The following TBCA variants were observed in gnomAD, a reference collection of about 807,000 sequenced individuals.
TBCA encodes tubulin-specific chaperone A.
TBCA carries 6 observed loss-of-function variants against 15.8 expected under a neutral mutation model. The observed-to-expected ratio is 0.38, with a 90% confidence interval of 0.21 to 0.75. TBCA has a LOEUF of 0.75. Among genes scored for constraint, TBCA ranks in the 30% least tolerant of loss-of-function variants. The pLI is 0.46. For missense variants in TBCA, 90 were observed against 131.2 expected (o/e 0.69, Z 1.53); for synonymous variants, 32 against 42.3 (o/e 0.76, Z 0.94).
chr5:77,759,633 A>G (rs466869), intron 1 of TBCA, among the ~76,000 whole-genome samples: 66,959 of 151,940 alleles, frequency 0.44, 14,916 homozygotes, highest in East Asian at 0.53. Flanking sequence ...TTTCCAATTA[A>G]AGACTCAGTT....
At chr5:77,719,250 C>T (rs1746474362) in intron 1 of TBCA, among the ~76,000 whole-genome samples, 1 of 152,136 alleles carries the variant, frequency 6.6e-6, no homozygotes, top group South Asian at 2.1e-4. Flanking sequence ...CTTCTAACTT[C>T]AAGTGTCAAT....
At chr5:77,734,504 T>C (rs1746848599) in intron 1 of TBCA, among the ~76,000 whole-genome samples, 5 of 152,168 alleles carry the variant, frequency 3.3e-5, no homozygotes, top group Admixed American at 3.3e-4. Flanking sequence ...AAGAAGTCAC[T>C]GTAGATGTGG....
intron 1 of TBCA, among the ~76,000 whole-genome samples, chr5:77,724,075 G>C (rs1746579927): frequency 1.3e-5 from 2 of 151,880 alleles, no homozygotes; most frequent in African/African-American, 4.8e-5. Flanking sequence ...CAAATCTAGG[G>C]CTTCTTTGTG....
At chr5:77,747,846 C>T (rs1213347161) in intron 1 of TBCA, among the ~76,000 whole-genome samples, 1 of 152,032 alleles carries the variant, frequency 6.6e-6, no homozygotes, top group African/African-American at 2.4e-5. Context: ...AAAATGTTTT[C>T]TCCTTTTAAG....
chr5:77,712,734 T>C (rs1449604668), intron 1 of TBCA, among the ~76,000 whole-genome samples: 2 of 152,210 alleles, frequency 1.3e-5, no homozygotes, highest in South Asian at 4.1e-4. Flanking sequence ...AAATGATTTA[T>C]AGAATTTATG....
At chr5:77,773,788 C>A (rs556884367) in intron 1 of TBCA, among the ~76,000 whole-genome samples, 3 of 152,268 alleles carry the variant, frequency 2.0e-5, no homozygotes, top group Admixed American at 6.5e-5. Context: ...GAAAGGTGGG[C>A]GAACAGGAAG....
chr5:77,696,847 G>C (rs1055067638), intron 2 of TBCA, among the ~76,000 whole-genome samples: 3 of 152,204 alleles, frequency 2.0e-5, no homozygotes, highest in Non-Finnish European at 4.4e-5. Context: ...GAGCCCAGGA[G>C]CTGGGAGGTT....
intron 1 of TBCA, among the ~76,000 whole-genome samples, chr5:77,764,673 G>A (rs1163704698): frequency 1.3e-5 from 2 of 152,154 alleles, no homozygotes; most frequent in African/African-American, 4.8e-5. Context: ...AGCACTTGAA[G>A]GATTAAATCT....
At chr5:77,754,827 C>G (rs1269994853) in intron 1 of TBCA, among the ~76,000 whole-genome samples, 1 of 152,084 alleles carries the variant, frequency 6.6e-6, no homozygotes, top group East Asian at 1.9e-4. Flanking sequence ...AAAATGCTGA[C>G]AATTCTTAAG....
chr5:77,739,157 G>A (rs1746975912), intron 1 of TBCA, among the ~76,000 whole-genome samples: 1 of 152,112 alleles, frequency 6.6e-6, no homozygotes, highest in Non-Finnish European at 1.5e-5. Context: ...ACTCTGGGTT[G>A]GATCAAGAAA....
intron 1 of TBCA, among the ~76,000 whole-genome samples, chr5:77,708,869 C>G (rs1239803933): frequency 1.3e-5 from 2 of 151,644 alleles, no homozygotes; most frequent in Non-Finnish European, 2.9e-5. Flanking sequence ...GTGCCTGGCC[C>G]AAAGCATGAA....
chr5:77,716,150 G>GA (rs1746395083), intron 1 of TBCA, among the ~76,000 whole-genome samples: 1 of 152,076 alleles, frequency 6.6e-6, no homozygotes, highest in South Asian at 2.1e-4. Context: ...AAGAGTCAAT[G>GA]AAAATAGAAG....
chr5:77,711,033 C>T (rs1436212677), intron 1 of TBCA, among the ~76,000 whole-genome samples: 1 of 152,078 alleles, frequency 6.6e-6, no homozygotes, highest in Admixed American at 6.6e-5. Flanking sequence ...AAGACTTAAA[C>T]AGGGGTAGGC....
At chr5:77,771,682 G>A (rs924975504) in intron 1 of TBCA, among the ~76,000 whole-genome samples, 7 of 152,090 alleles carry the variant, frequency 4.6e-5, no homozygotes, top group African/African-American at 1.4e-4. Flanking sequence ...TCTCCTACAC[G>A]CCAAATACCA....
chr5:77,703,296 A>G (rs1211615852), intron 2 of TBCA, among the ~76,000 whole-genome samples: 2 of 127,872 alleles, frequency 1.6e-5, no homozygotes, highest in Admixed American at 1.6e-4. Flanking sequence ...GATATGTCTG[A>G]CTGAGTGTCA....
intron 1 of TBCA, among the ~76,000 whole-genome samples, chr5:77,770,035 T>C (rs1747871037): frequency 6.6e-6 from 1 of 152,250 alleles, no homozygotes; most frequent in South Asian, 2.1e-4. Context: ...TTAACAGGCT[T>C]TATTGAAAGC....
At chr5:77,757,578 G>A (rs763203984) in intron 1 of TBCA, among the ~76,000 whole-genome samples, 5 of 152,176 alleles carry the variant, frequency 3.3e-5, no homozygotes, top group Non-Finnish European at 7.3e-5. Context: ...CTGGAGGCAG[G>A]GGTTCCTAGG....
At chr5:77,750,141 T>C (rs1747284628) in intron 1 of TBCA, among the ~76,000 whole-genome samples, 1 of 101,086 alleles carries the variant, frequency 9.9e-6, no homozygotes, top group Non-Finnish European at 1.9e-5. Context: ...GCTCTCTCTC[T>C]ATATATATAG....
intron 1 of TBCA, among the ~76,000 whole-genome samples, chr5:77,744,108 T>C (rs919173376): frequency 1.3e-5 from 2 of 152,178 alleles, no homozygotes; most frequent in Non-Finnish European, 2.9e-5. Flanking sequence ...CTCCCAAATG[T>C]AACATACTGA....
Sources: gnomAD v4.1 joint callset for allele counts (sites outside exome capture counted in the v4.1 genomes callset) on GRCh38, gnomAD v4.1.1 for gene constraint, MANE v1.5 for transcripts, NCBI Gene and HGNC (gene_info 2026-07-23, HGNC 2026-07-21) for gene names.